The following CACNB4 variants were observed in gnomAD, a reference collection of about 807,000 sequenced individuals.
CACNB4 encodes voltage-dependent L-type calcium channel subunit beta-4.
Under a neutral mutation model 71.2 loss-of-function variants are expected in CACNB4, and 32 were observed. The observed-to-expected ratio is 0.45, with a 90% CI of 0.34 to 0.60. The LOEUF is 0.60. Ranked by LOEUF, CACNB4 falls within the 20% of genes least tolerant of loss-of-function variation. The pLI is 0.01. For synonymous variants in CACNB4, 231 were observed against 236.9 expected, an observed-to-expected ratio of 0.97 and a Z score of 0.23; for missense variants, 464 against 647.9, an observed-to-expected ratio of 0.72 and a Z score of 3.08.
intron 11 of CACNB4, 67 bp downstream of exon 11, chr2:151,855,148 TAACAAAAAA>T: frequency 5.8e-6 from 6 of 1,028,458 alleles, no homozygotes; most frequent in Non-Finnish European, 8.4e-6. Context: ...CTTTGTCCAC[TAACAAAAAA>T]CCACAGAGCA....
rs1682964636 is a variant in CACNB4, at chr2:152,009,981, C to A, written c.147+88349G>T. On this transcript the variant is annotated intron_variant, in intron 2 of 13. Transcript: ENST00000539935. ...TTGAAATGTACTTTCTTGAGATTAA[C>A]ATTTAAGTTATATCTGTTCTTAAAA... Among the ~76,000 whole-genome samples, 4 of 152,230 alleles carry A rather than the reference C, an allele frequency of 2.6e-5. No individual in the cohort carries two copies. In the South Asian group the frequency reaches 8.3e-4, roughly 32 times the overall value.
intron 4 of CACNB4, 133 bp from the exon 5 acceptor site, chr2:151,876,689 T>TTG (rs1234308743): frequency 2.2e-6 from 1 of 454,764 alleles, no homozygotes; most frequent in Non-Finnish European, 3.8e-6. Flanking sequence ...AAACTATATT[T>TTG]TATATGTATA....
intron 2 of CACNB4, chr2:151,971,566 G>A: frequency 1.4e-6 from 1 of 703,012 alleles, no homozygotes; most frequent in South Asian, 1.5e-5. Flanking sequence ...CATTGGCACT[G>A]AGAAAGACTG....
intron 2 of CACNB4, among the ~76,000 whole-genome samples, chr2:152,077,637 A>C (rs573561893): frequency 5.9e-5 from 9 of 152,314 alleles, no homozygotes; most frequent in African/African-American, 1.9e-4. Flanking sequence ...GGCTGGAGGC[A>C]GGAGAAACGC....
At chr2:152,019,980 A>G (rs889817986) in intron 2 of CACNB4, among the ~76,000 whole-genome samples, 4 of 152,220 alleles carry the variant, frequency 2.6e-5, no homozygotes, top group African/African-American at 7.2e-5. Context: ...GAGGGCAAAG[A>G]AGGCCCAGAA....
intron 2 of CACNB4, among the ~76,000 whole-genome samples, chr2:152,061,550 A>T (rs1174486268): frequency 2.0e-5 from 3 of 152,100 alleles, no homozygotes; most frequent in Non-Finnish European, 2.9e-5. Context: ...ATATTACATC[A>T]ATTTCATAGA....
intron 2 of CACNB4, among the ~76,000 whole-genome samples, chr2:151,982,776 T>C (rs2099874953): frequency 6.6e-6 from 1 of 152,158 alleles, no homozygotes; most frequent in Non-Finnish European, 1.5e-5. Context: ...CATTGTTAGA[T>C]GAAAGAGAAA....
chr2:151,932,401 C>T (rs1162236690), intron 2 of CACNB4, among the ~76,000 whole-genome samples: 1 of 151,998 alleles, frequency 6.6e-6, no homozygotes, highest in Non-Finnish European at 1.5e-5. Flanking sequence ...CGATATACCC[C>T]ACAAGAGGGA....
intron 2 of CACNB4, among the ~76,000 whole-genome samples, chr2:152,058,365 G>A (rs909398981): frequency 1.4e-4 from 21 of 152,314 alleles, no homozygotes; most frequent in African/African-American, 4.6e-4. Context: ...GGAGGGCTCC[G>A]AAGAAGACAG....
chr2:151,915,005 G>A (rs2151549004), intron 2 of CACNB4, among the ~76,000 whole-genome samples: 1 of 151,090 alleles, frequency 6.6e-6, no homozygotes, highest in Non-Finnish European at 1.5e-5. Flanking sequence ...TTGTCCCTTG[G>A]TGGAGGGGGT....
intron 2 of CACNB4, among the ~76,000 whole-genome samples, chr2:152,006,776 C>T (rs1171291183): frequency 6.6e-6 from 1 of 152,124 alleles, no homozygotes; most frequent in Non-Finnish European, 1.5e-5. Context: ...CCCTACATAC[C>T]AACCATCGTC....
At chr2:152,020,719 C>T (rs552788185) in intron 2 of CACNB4, among the ~76,000 whole-genome samples, 2 of 152,184 alleles carry the variant, frequency 1.3e-5, no homozygotes, top group African/African-American at 2.4e-5. Flanking sequence ...TAACAGGTGG[C>T]GATGCTGGTA....
At chr2:151,882,453 C>T (rs1559927018) in intron 3 of CACNB4, among the ~76,000 whole-genome samples, 1 of 151,968 alleles carries the variant, frequency 6.6e-6, no homozygotes, top group South Asian at 2.1e-4. Context: ...AAGACTGAAC[C>T]AATATACCTT....
At chr2:151,839,850 C>T (rs1442786935) in intron 13 of CACNB4, among the ~76,000 whole-genome samples, 1 of 152,144 alleles carries the variant, frequency 6.6e-6, no homozygotes, top group Non-Finnish European at 1.5e-5. Context: ...CTTTTAAAAA[C>T]ATTTTAATAA....
intron 5 of CACNB4, chr2:151,873,058 T>A (rs2099845041): frequency 6.6e-6 from 1 of 152,232 alleles, no homozygotes; most frequent in South Asian, 2.1e-4. Context: ...GACAAAAAAG[T>A]TATATGGCCC....
intron 2 of CACNB4, among the ~76,000 whole-genome samples, chr2:151,927,266 T>G (rs1377724104): frequency 6.6e-6 from 1 of 152,164 alleles, no homozygotes; most frequent in Non-Finnish European, 1.5e-5. Flanking sequence ...AAATTGGTGA[T>G]GCAGGAGTAG....
At chr2:152,019,651 T>G (rs1290296362) in intron 2 of CACNB4, among the ~76,000 whole-genome samples, 2 of 151,936 alleles carry the variant, frequency 1.3e-5, no homozygotes, top group Non-Finnish European at 2.9e-5. Context: ...AGATGATATC[T>G]CCCCAAAAAA....
chr2:151,872,457 T>C lies in CACNB4; in HGVS notation c.558A>G (p.Glu186=), dbSNP rs2151416746. 4 of 1,605,568 alleles carry C rather than the reference T, an allele frequency of 2.5e-6. No homozygotes were observed. Among genetic ancestry groups the C allele is most frequent in the East Asian group, 4.5e-5 (2 of 44,770 alleles). Reference sequence around the variant, plus strand: ...TTGCTCGGAATGTCCCAGATACCATTTCTCCAAGACTTGAAGAAGAATTTC... The same window carrying C: ...TTGCTCGGAATGTCCCAGATACCATCTCTCCAAGACTTGAAGAAGAATTTC... ...SSGNSSSSLG[E]MVSGTFRATP... is the part of the protein sequence containing the mutation. The change falls in exon 6 of 14, where the codon GAA becomes GAG. Residue 186 remains glutamate, a synonymous_variant. Coordinates refer to ENST00000539935, the MANE Select transcript of CACNB4 (RefSeq NM_000726.5).
At chr2:152,004,882 CTGTT>C (rs1682637298) in intron 2 of CACNB4, among the ~76,000 whole-genome samples, 1 of 152,116 alleles carries the variant, frequency 6.6e-6, no homozygotes, top group African/African-American at 2.4e-5. Flanking sequence ...CGTTTCTTGT[CTGTT>C]TCTCTTTCTT....
Sources: allele counts gnomAD v4.1 joint callset (sites outside exome capture counted in the v4.1 genomes callset), GRCh38; gene constraint gnomAD v4.1.1; transcripts MANE v1.5; gene names NCBI Gene and HGNC (gene_info 2026-07-23, HGNC 2026-07-21).